The following KCNK13 variants were observed in gnomAD, a reference collection of about 807,000 sequenced individuals.
KCNK13 encodes the protein potassium channel subfamily K member 13.
Under a neutral mutation model 23.4 loss-of-function variants are expected in KCNK13, and 12 were observed. That is an observed-to-expected ratio of 0.51 (90% CI 0.33 to 0.83). The LOEUF (loss-of-function observed/expected upper bound fraction) is 0.83. Among genes scored for constraint, KCNK13 ranks in the 40% least tolerant of loss-of-function variants. KCNK13 has a pLI of 0.02. For synonymous variants in KCNK13, 231 were observed against 229.5 expected, an observed-to-expected ratio of 1.01 and a Z score of -0.06; for missense variants, 463 against 556.3, an observed-to-expected ratio of 0.83 and a Z score of 1.69.
At chr14:90,174,175 T>C (rs1272609842) in intron 1 of KCNK13, among the ~76,000 whole-genome samples, 1 of 152,008 alleles carries the variant, frequency 6.6e-6, no homozygotes, top group East Asian at 1.9e-4. Context: ...CCGGGTGTGG[T>C]GGTGGGCACC....
At chr14:90,102,024 C>A (rs1889487994) in intron 1 of KCNK13, among the ~76,000 whole-genome samples, 1 of 151,734 alleles carries the variant, frequency 6.6e-6, no homozygotes, top group Non-Finnish European at 1.5e-5. Context: ...GCTGGGATTA[C>A]AGGCATGTGC....
At chr14:90,080,086 G>A (rs948585639) in intron 1 of KCNK13, among the ~76,000 whole-genome samples, 2 of 152,176 alleles carry the variant, frequency 1.3e-5, no homozygotes, top group African/African-American at 4.8e-5. Context: ...GAGGACGGCT[G>A]GAGGGATCCC....
chr14:90,075,696 G>T (rs1404296247), intron 1 of KCNK13, among the ~76,000 whole-genome samples: 1 of 152,054 alleles, frequency 6.6e-6, no homozygotes, highest in African/African-American at 2.4e-5. Flanking sequence ...GCCCAGGCTG[G>T]TCTTGAACTC....
chr14:90,090,410 T>A (rs571409791), intron 1 of KCNK13, among the ~76,000 whole-genome samples: 2 of 152,250 alleles, frequency 1.3e-5, no homozygotes, highest in Non-Finnish European at 2.9e-5. Flanking sequence ...GGAGTGGGTA[T>A]ACCCAATGCC....
intron 1 of KCNK13, among the ~76,000 whole-genome samples, chr14:90,149,471 C>A (rs916808506): frequency 1.3e-5 from 2 of 152,240 alleles, no homozygotes; most frequent in Non-Finnish European, 2.9e-5. Flanking sequence ...TACATGGTGG[C>A]AGGCAAGAGG....
intron 1 of KCNK13, among the ~76,000 whole-genome samples, chr14:90,092,482 C>T (rs1889360123): frequency 6.6e-6 from 1 of 152,118 alleles, no homozygotes; most frequent in Admixed American, 6.5e-5. Context: ...CTGAGGTTTG[C>T]AGGCAAGACA....
intron 1 of KCNK13, among the ~76,000 whole-genome samples, chr14:90,084,584 G>T (rs1340291792): frequency 6.6e-6 from 1 of 152,166 alleles, no homozygotes; most frequent in Non-Finnish European, 1.5e-5. Flanking sequence ...TGTGTGTCCA[G>T]ATAGTTTTAG....
intron 1 of KCNK13, among the ~76,000 whole-genome samples, chr14:90,105,819 A>G (rs1033571725): frequency 1.3e-5 from 2 of 152,220 alleles, no homozygotes; most frequent in Non-Finnish European, 2.9e-5. Context: ...GTTAAAAATA[A>G]TAATAACAGT....
intron 1 of KCNK13, among the ~76,000 whole-genome samples, 159 bp from the exon 2 acceptor site, chr14:90,183,952 A>G (rs972058620): frequency 5.3e-5 from 8 of 152,172 alleles, no homozygotes; most frequent in African/African-American, 1.7e-4. Flanking sequence ...AGTGTCTTCA[A>G]AAGCAGGTGA....
In KCNK13 at chr14:90,108,869, A is replaced by G. The variant is rs150416840; in HGVS notation, c.334+46330A>G. Reference sequence around the variant, plus strand: ...GAGTGTATCTCTGAAAGAGCCCCCAATGCTTTGAAAACTAAGAATCCCTTG... The same window carrying G: ...GAGTGTATCTCTGAAAGAGCCCCCAGTGCTTTGAAAACTAAGAATCCCTTG... On this transcript the variant is annotated intron_variant, in intron 1 of 1. Transcript: ENST00000282146. 1.2e-3 allele frequency among the ~76,000 whole-genome samples: 181 copies of G among 152,218 alleles called. 1 individual carries two copies. The highest frequency in any genetic ancestry group is 4.0e-3 in the African/African-American group (167 of 41,532).
intron 1 of KCNK13, among the ~76,000 whole-genome samples, chr14:90,141,301 C>A (rs1008876894): frequency 7.9e-5 from 12 of 152,224 alleles, no homozygotes; most frequent in Admixed American, 7.9e-4. Context: ...CTTTCTTGAA[C>A]TATAATTGAC....
rs577007004 is a variant in KCNK13 at position 90,105,899 on chromosome 14, A to G, written c.334+43360A>G. On this transcript the variant is annotated intron_variant, in intron 1 of 1. Coordinates refer to ENST00000282146, the MANE Select transcript of KCNK13 (RefSeq NM_022054.4). ...AAATCATTGTCCAGGCCTTGGCAAAAGCAGGGGCATAGAAGGAGGTTTTCT... is the reference window on the plus strand; with the variant it reads ...AAATCATTGTCCAGGCCTTGGCAAAGGCAGGGGCATAGAAGGAGGTTTTCT... Among the ~76,000 whole-genome samples, 9 of 152,354 alleles carry G rather than the reference A, an allele frequency of 5.9e-5. No individual in the cohort carries two copies. In the East Asian group the frequency reaches 1.4e-3, roughly 23 times the overall value.
At chr14:90,149,001 G>A (rs974477454) in intron 1 of KCNK13, among the ~76,000 whole-genome samples, 2 of 152,136 alleles carry the variant, frequency 1.3e-5, no homozygotes, top group African/African-American at 2.4e-5. Flanking sequence ...TATATTGCAT[G>A]GTGTATTAGT....
At chr14:90,098,843 G>T (rs1889441758) in intron 1 of KCNK13, among the ~76,000 whole-genome samples, 1 of 152,126 alleles carries the variant, frequency 6.6e-6, no homozygotes, top group Non-Finnish European at 1.5e-5. Flanking sequence ...CTTTGGGGGG[G>T]CCGAGGCAGG....
intron 1 of KCNK13, among the ~76,000 whole-genome samples, chr14:90,165,521 G>A (rs779083374): frequency 8.5e-5 from 13 of 152,260 alleles, no homozygotes; most frequent in South Asian, 2.1e-4. Context: ...TCTCACTCAC[G>A]TTGAAGAAAA....
At chr14:90,154,312 C>CTGCTCTCCTACCCACAATGCCA (rs1845870896) in intron 1 of KCNK13, among the ~76,000 whole-genome samples, 1 of 150,508 alleles carries the variant, frequency 6.6e-6, no homozygotes, top group Non-Finnish European at 1.5e-5. Flanking sequence ...CCCACAATAC[C>CTGCTCTCCTACCCACAATGCCA]TGCTCTCCTA....
chr14:90,105,721 G>A (rs2140409133), intron 1 of KCNK13, among the ~76,000 whole-genome samples: 1 of 152,254 alleles, frequency 6.6e-6, no homozygotes, highest in South Asian at 2.1e-4. Context: ...ACAAGGACAG[G>A]CAGCAATTTG....
intron 1 of KCNK13, among the ~76,000 whole-genome samples, chr14:90,137,055 C>T (rs919567808): frequency 6.6e-6 from 1 of 152,190 alleles, no homozygotes; most frequent in Non-Finnish European, 1.5e-5. Context: ...GAGCAGTTCA[C>T]CAAGTCCTTC....
At chr14:90,092,489 G>A (rs914081860) in intron 1 of KCNK13, among the ~76,000 whole-genome samples, 4 of 152,208 alleles carry the variant, frequency 2.6e-5, no homozygotes, top group Admixed American at 6.5e-5. Flanking sequence ...TTGCAGGCAA[G>A]ACATAAGGAA....
Sources: allele counts gnomAD v4.1 joint callset (sites outside exome capture counted in the v4.1 genomes callset), GRCh38; gene constraint gnomAD v4.1.1; transcripts MANE v1.5; gene names NCBI Gene and HGNC (gene_info 2026-07-23, HGNC 2026-07-21).